PDGFD: variants seen among roughly 807,000 people sequenced by gnomAD.
PDGFD encodes the protein platelet-derived growth factor D.
A neutral mutation model predicts 44.7 loss-of-function variants in PDGFD; 30 were observed. The observed-to-expected ratio is 0.67, with a 90% CI of 0.50 to 0.91. The LOEUF is 0.91. PDGFD is among the 40% of genes least tolerant of loss of function. PDGFD has a pLI of 0.00. For synonymous variants in PDGFD, 173 were observed against 168.4 expected (o/e 1.03, Z -0.21); for missense variants, 445 against 457.8 (o/e 0.97, Z 0.25).
chr11:104,157,720 T>C (rs1862327801), intron 1 of PDGFD, among the ~76,000 whole-genome samples: 1 of 152,222 alleles, frequency 6.6e-6, no homozygotes, highest in African/African-American at 2.4e-5. Context: ...AATCCTAATA[T>C]ATACAATATG....
intron 1 of PDGFD, among the ~76,000 whole-genome samples, chr11:104,076,669 A>G (rs1362126376): frequency 2.0e-5 from 3 of 152,204 alleles, no homozygotes; most frequent in Admixed American, 2.0e-4. Flanking sequence ...CTGAAAGGCT[A>G]GTTAAAACAT....
intron 1 of PDGFD, among the ~76,000 whole-genome samples, chr11:104,098,151 G>C (rs901844015): frequency 1.3e-5 from 2 of 152,130 alleles, no homozygotes; most frequent in African/African-American, 2.4e-5. Context: ...TAATTTGTTT[G>C]AACTTGTAAC....
intron 3 of PDGFD, among the ~76,000 whole-genome samples, chr11:103,988,009 C>A (rs1235897692): frequency 1.3e-5 from 2 of 152,138 alleles, no homozygotes; most frequent in African/African-American, 4.8e-5. Context: ...AGTAAGTCTT[C>A]AGACATATTT....
chr11:104,048,526 T>C (rs944788869), intron 1 of PDGFD, among the ~76,000 whole-genome samples: 2 of 152,196 alleles, frequency 1.3e-5, no homozygotes, highest in Non-Finnish European at 2.9e-5. Context: ...ACCAACCTAA[T>C]TGAAAGATTA....
intron 1 of PDGFD, among the ~76,000 whole-genome samples, chr11:104,046,123 A>G (rs1330735860): frequency 6.8e-6 from 1 of 147,784 alleles, no homozygotes; most frequent in Non-Finnish European, 1.5e-5. Context: ...AGAACTTTAC[A>G]ATTGCCTCTG....
rs748016567 is a variant in PDGFD at position 104,163,851 on chromosome 11, T to C, written c.77A>G (p.Gln26Arg). 6.3e-7 allele frequency: 1 copy of C among 1,577,746 alleles called. No individual in the cohort carries two copies. Among genetic ancestry groups the C allele is most frequent in the South Asian group, 1.2e-5 (1 of 86,942 alleles). Reference protein sequence around the residue: ...CSCRDTSATPQSASIKALRNA... With the variant: ...CSCRDTSATPRSASIKALRNA... Reference sequence around the variant, plus strand: ...GCGCAAAGCTTTGATGGATGCGCTCTGCGGGGTTGCAGAAGTGTCCCGACA... The same window carrying C: ...GCGCAAAGCTTTGATGGATGCGCTCCGCGGGGTTGCAGAAGTGTCCCGACA... The change falls in exon 1 of 7, where the codon CAG (glutamine) becomes CGG (arginine). Residue 26 changes from glutamine to arginine, a missense_variant. Transcript: ENST00000393158.
At chr11:103,995,307 C>G (rs1445418586) in intron 3 of PDGFD, among the ~76,000 whole-genome samples, 1 of 152,118 alleles carries the variant, frequency 6.6e-6, no homozygotes, top group African/African-American at 2.4e-5. Context: ...AGAACAGGAA[C>G]TTACTATTGT....
chr11:103,977,787 T>C (rs1859205541), intron 3 of PDGFD, among the ~76,000 whole-genome samples: 1 of 152,052 alleles, frequency 6.6e-6, no homozygotes, highest in Admixed American at 6.6e-5. Context: ...CCACTTATTA[T>C]GTATTTGAGG....
chr11:104,081,761 T>C (rs974713591), intron 1 of PDGFD, among the ~76,000 whole-genome samples: 1 of 152,162 alleles, frequency 6.6e-6, no homozygotes, highest in African/African-American at 2.4e-5. Flanking sequence ...TTCCATTTTA[T>C]GGAAAAACAA....
At chr11:103,937,732 T>C (rs1196026052) in intron 5 of PDGFD, among the ~76,000 whole-genome samples, 4 of 123,554 alleles carry the variant, frequency 3.2e-5, no homozygotes, top group Non-Finnish European at 4.8e-5. Context: ...GTCCTCAGTG[T>C]GTGATGTTCC....
chr11:103,964,199 CT>C (rs916975507), intron 3 of PDGFD, among the ~76,000 whole-genome samples: 5 of 151,950 alleles, frequency 3.3e-5, no homozygotes, highest in South Asian at 2.1e-4. Flanking sequence ...TATCATTGCT[CT>C]TTTTTTTCTC....
chr11:103,994,271 C>T (rs118093015), intron 3 of PDGFD, among the ~76,000 whole-genome samples: 3,764 of 152,328 alleles, frequency 0.025, 57 homozygotes, highest in Non-Finnish European at 0.042. Flanking sequence ...AATAATTCTT[C>T]TCTAAGCCTA....
rs1234358236 is a variant in PDGFD, at chr11:103,946,275, G to A, written c.573+1387C>T. On this transcript the variant is annotated intron_variant, in intron 4 of 6. Transcript: ENST00000393158. ...CCAGAAAGTTCTTGAACAATGGAGT[G>A]CTGAGTAAAGAAACTAGCTTGGTCT... Among the ~76,000 whole-genome samples the A allele has an allele frequency of 3.3e-5, 5 of 152,232 alleles. No individual in the cohort carries two copies. In the East Asian group the frequency reaches 9.6e-4, roughly 29 times the overall value.
Position 104,092,805 on chromosome 11 carries a change from CCAG to C in PDGFD, c.124+70996_124+70998del, listed in dbSNP as rs1861230166. ...ACAGAAGAAAATCAGTAGTGATTACCCAGAAGAAAATAGAATATGATCATCTTG... is the reference window on the plus strand; with the variant it reads ...ACAGAAGAAAATCAGTAGTGATTACCAAGAAAATAGAATATGATCATCTTG... On this transcript the variant is annotated intron_variant, in intron 1 of 6. Transcript: ENST00000393158. 5.3e-5 allele frequency among the ~76,000 whole-genome samples: 8 copies of C among 152,172 alleles called. No homozygotes were observed. In the South Asian group the frequency reaches 1.7e-3, roughly 32 times the overall value.
intron 3 of PDGFD, among the ~76,000 whole-genome samples, chr11:103,966,838 G>C (rs916648764): frequency 5.0e-4 from 53 of 107,004 alleles, no homozygotes; most frequent in Non-Finnish European, 7.6e-4. Flanking sequence ...GCACAATCCT[G>C]ATAACCCTTG....
intron 1 of PDGFD, among the ~76,000 whole-genome samples, chr11:104,147,441 T>G (rs1565348462): frequency 6.6e-6 from 1 of 152,158 alleles, no homozygotes; most frequent in African/African-American, 2.4e-5. Context: ...TTGATCAAAT[T>G]ATATGCAAAT....
chr11:104,027,716 T>C (rs1016705635), intron 1 of PDGFD, among the ~76,000 whole-genome samples: 8 of 152,232 alleles, frequency 5.3e-5, no homozygotes, highest in African/African-American at 1.4e-4. Flanking sequence ...ACTGCAGATA[T>C]AGAATACTGT....
At chr11:103,930,084 G>A (rs187000119) in intron 5 of PDGFD, among the ~76,000 whole-genome samples, 193 of 152,236 alleles carry the variant, frequency 1.3e-3, no homozygotes, top group African/African-American at 4.4e-3. Flanking sequence ...CTCTTTTTCT[G>A]TCATTCTGAA....
intron 1 of PDGFD, among the ~76,000 whole-genome samples, chr11:104,062,991 C>T (rs1332283198): frequency 1.3e-5 from 2 of 152,150 alleles, no homozygotes; most frequent in African/African-American, 4.8e-5. Flanking sequence ...TTTGAACCTC[C>T]ACAGTTTTGA....
Sources: allele counts gnomAD v4.1 joint callset (sites outside exome capture counted in the v4.1 genomes callset), GRCh38; gene constraint gnomAD v4.1.1; transcripts MANE v1.5; gene names NCBI Gene and HGNC (gene_info 2026-07-23, HGNC 2026-07-21).